The following DSCAML1 variants were observed in gnomAD, a reference collection of about 807,000 sequenced individuals.
DSCAML1 encodes cell adhesion molecule DSCAML1.
In DSCAML1, 38 loss-of-function variants were observed where a neutral mutation model predicts 200.5. The observed-to-expected ratio is 0.19, with a 90% CI of 0.15 to 0.25. DSCAML1 has a LOEUF of 0.25. Among genes scored for constraint, DSCAML1 ranks in the 10% least tolerant of loss-of-function variants. The probability of loss-of-function intolerance (pLI) is 1.00; values close to 1 mark genes in which losing one functional copy is unlikely to be tolerated. For missense variants in DSCAML1, 2,223 were observed against 2,858.8 expected, an observed-to-expected ratio of 0.78 and a Z score of 5.07; for synonymous variants, 1,215 against 1,165.0, an observed-to-expected ratio of 1.04 and a Z score of -0.87.
intron 3 of DSCAML1, among the ~76,000 whole-genome samples, chr11:117,582,396 G>A (rs1411665889): frequency 6.6e-6 from 1 of 152,212 alleles, no homozygotes; most frequent in Non-Finnish European, 1.5e-5. Context: ...GGTCTCCAAG[G>A]ATCTTGGCTG....
At chr11:117,751,556 A>G (rs1331957855) in intron 3 of DSCAML1, among the ~76,000 whole-genome samples, 3 of 152,124 alleles carry the variant, frequency 2.0e-5, no homozygotes, top group Non-Finnish European at 2.9e-5. Context: ...AAGACAGGCA[A>G]GAGAAGAAGG....
At chr11:117,717,523 T>C (rs2053972144) in intron 3 of DSCAML1, among the ~76,000 whole-genome samples, 1 of 152,198 alleles carries the variant, frequency 6.6e-6, no homozygotes, top group Non-Finnish European at 1.5e-5. Context: ...TGAGGCTCTT[T>C]GGGAGCTCAG....
chr11:117,521,273 G>A lies in DSCAML1; in HGVS notation c.1070C>T (p.Pro357Leu), dbSNP rs777049104. 2 of 1,614,066 alleles carry A rather than the reference G, an allele frequency of 1.2e-6. No homozygotes were observed. Among genetic ancestry groups the A allele is most frequent in the Non-Finnish European group, 1.7e-6 (2 of 1,180,030 alleles). The change falls in exon 6 of 33, where the codon CCT (proline) becomes CTT (leucine). Residue 357 changes from proline (P) to leucine (L), a missense_variant. Coordinates refer to ENST00000651296, the MANE Select transcript of DSCAML1 (RefSeq NM_020693.4). ...CCCGCGGATGGAGATGGCCTCGTCA[G>A]GCAGCACCAGCTCCGTGTTGCGATA... ...RWYRNTELVL[P>L]DEAISIRGLS...
intron 3 of DSCAML1, among the ~76,000 whole-genome samples, chr11:117,655,822 C>G (rs988401957): frequency 6.6e-5 from 10 of 152,208 alleles, no homozygotes; most frequent in Non-Finnish European, 8.8e-5. Flanking sequence ...GCTGGAGAAG[C>G]CTGGCCACAG....
chr11:117,794,041 C>A (rs577826832), intron 1 of DSCAML1, among the ~76,000 whole-genome samples: 15 of 151,700 alleles, frequency 9.9e-5, no homozygotes, highest in Non-Finnish European at 1.5e-4. Context: ...TGCCCCCCCC[C>A]CCTTTTTTTA....
intron 3 of DSCAML1, among the ~76,000 whole-genome samples, chr11:117,539,910 GA>G (rs1295070054): frequency 6.6e-6 from 1 of 152,146 alleles, no homozygotes; most frequent in Non-Finnish European, 1.5e-5. Flanking sequence ...AACGACATGT[GA>G]TATATACATA....
At chr11:117,815,013 G>A (rs1591529163) in intron 1 of DSCAML1, among the ~76,000 whole-genome samples, 1 of 152,262 alleles carries the variant, frequency 6.6e-6, no homozygotes, top group South Asian at 2.1e-4. Context: ...AAGACCACAA[G>A]AGAATTCAGC....
chr11:117,691,147 C>T (rs1321149005), intron 3 of DSCAML1, among the ~76,000 whole-genome samples: 3 of 152,176 alleles, frequency 2.0e-5, no homozygotes, highest in Admixed American at 2.0e-4. Flanking sequence ...TGGGCTGTCT[C>T]AGGAGTAAGT....
intron 3 of DSCAML1, among the ~76,000 whole-genome samples, chr11:117,741,771 G>T (rs1210792503): frequency 6.6e-6 from 1 of 152,176 alleles, no homozygotes; most frequent in Non-Finnish European, 1.5e-5. Context: ...CTGGGCCTCT[G>T]CCACTGCATC....
upstream of DSCAML1, among the ~76,000 whole-genome samples, chr11:117,798,794 C>T (rs1013209451): frequency 6.6e-6 from 1 of 152,152 alleles, no homozygotes; most frequent in Non-Finnish European, 1.5e-5. Context: ...CGGGGCTTAA[C>T]TTGTTCAAGG....
chr11:117,751,874 C>T (rs1351974010), intron 3 of DSCAML1, among the ~76,000 whole-genome samples: 1 of 152,146 alleles, frequency 6.6e-6, no homozygotes, highest in African/African-American at 2.4e-5. Flanking sequence ...GACTCAGCTC[C>T]CCACACCAGG....
chr11:117,716,076 A>T (rs1216543237), intron 3 of DSCAML1, among the ~76,000 whole-genome samples: 1 of 152,224 alleles, frequency 6.6e-6, no homozygotes, highest in African/African-American at 2.4e-5. Context: ...ACCCAGGCTG[A>T]CGCCTGTTGG....
At chr11:117,531,406 A>C (rs190915556) in intron 4 of DSCAML1, among the ~76,000 whole-genome samples, 2 of 152,300 alleles carry the variant, frequency 1.3e-5, no homozygotes, top group African/African-American at 4.8e-5. Context: ...AAATGAGGGA[A>C]TCCCAGATAC....
At chr11:117,444,097 A>C (rs1354703956) in intron 20 of DSCAML1, 58 bp from the exon 21 acceptor site, 1 of 1,549,020 alleles carries the variant, frequency 6.5e-7, no homozygotes, top group African/African-American at 1.4e-5. Context: ...CCAGCGTCCA[A>C]ATCTTCCTCA....
intron 18 of DSCAML1, among the ~76,000 whole-genome samples, chr11:117,459,156 A>G (rs2048430357): frequency 6.6e-6 from 1 of 152,228 alleles, no homozygotes; most frequent in African/African-American, 2.4e-5. Context: ...CCCGGCCTCA[A>G]TTGACCTTGC....
intron 7 of DSCAML1, among the ~76,000 whole-genome samples, chr11:117,517,978 C>A (rs1435921205): frequency 2.0e-5 from 3 of 152,176 alleles, no homozygotes; most frequent in Admixed American, 2.0e-4. Context: ...GTTGCTTATA[C>A]CTCCTGGAGC....
chr11:117,516,402 G>A lies in DSCAML1; in HGVS notation c.1783+65C>T, dbSNP rs188824700. ...CCTATTGTTGTCTGAGTCCCAGCTG[G>A]GGAAAGGCCCACGCATCCTGGGTGG... On this transcript the variant is annotated intron_variant, in intron 8 of 32. Coordinates refer to ENST00000651296, the MANE Select transcript of DSCAML1 (RefSeq NM_020693.4). This position sits in a 1 kb window ranked among gnomAD's most constrained non-coding sequence, Gnocchi z 5.7. 2.7e-4 allele frequency: 420 copies of A among 1,557,956 alleles called. 1 individual carries two copies. The African/African-American group carries it at 4.9e-3, about 18-fold the overall frequency.
chr11:117,696,389 A>G (rs1359250125), intron 3 of DSCAML1, among the ~76,000 whole-genome samples: 4 of 152,182 alleles, frequency 2.6e-5, no homozygotes, highest in Admixed American at 2.6e-4. Context: ...TGAAGTGGGG[A>G]TTGAAGAAAA....
At chr11:117,578,183 C>G (rs1003986671) in intron 3 of DSCAML1, among the ~76,000 whole-genome samples, 2 of 133,960 alleles carry the variant, frequency 1.5e-5, no homozygotes, top group African/African-American at 5.7e-5. Context: ...TGCAGTGAGC[C>G]GAGATTGTGC....
Sources: gnomAD v4.1 joint callset for allele counts (sites outside exome capture counted in the v4.1 genomes callset) on GRCh38, gnomAD v4.1.1 for gene constraint, Gnocchi (gnomAD v3.1) non-coding constraint, MANE v1.5 for transcripts, NCBI Gene and HGNC (gene_info 2026-07-23, HGNC 2026-07-21) for gene names.